The following ELP2 variants were observed in gnomAD, a reference collection of about 807,000 sequenced individuals.
ELP2 encodes elongator complex protein 2.
A neutral mutation model predicts 119.2 loss-of-function variants in ELP2; 90 were observed. The observed-to-expected ratio is 0.75, with a 90% CI of 0.64 to 0.90. The LOEUF is 0.90. Among genes scored for constraint, ELP2 ranks in the 40% least tolerant of loss-of-function variants. The pLI, the probability that ELP2 is intolerant of heterozygous loss-of-function variation, is 0.00. For missense variants in ELP2, 921 were observed against 967.8 expected (o/e 0.95, Z 0.64); for synonymous variants, 339 against 331.0 (o/e 1.02, Z -0.26).
chr18:36,151,406 C>G (rs963030148), intron 11 of ELP2, among the ~76,000 whole-genome samples: 2 of 152,138 alleles, frequency 1.3e-5, no homozygotes, highest in Non-Finnish European at 2.9e-5. Context: ...TTTACCATTT[C>G]TCCAAACTGG....
intron 11 of ELP2, among the ~76,000 whole-genome samples, chr18:36,147,081 GTTT>G (rs61330040): frequency 8.1e-6 from 1 of 123,428 alleles, no homozygotes. Context: ...AACATGGGTA[GTTT>G]TTTTTTTTTT....
chr18:36,167,928 T>C (rs2090956783), intron 19 of ELP2, among the ~76,000 whole-genome samples: 1 of 152,204 alleles, frequency 6.6e-6, no homozygotes, highest in Non-Finnish European at 1.5e-5. Flanking sequence ...CCTCCCACTT[T>C]GGCCTCCCAA....
chr18:36,170,875 G>A, intron 20 of ELP2, 172 bp from the exon 21 acceptor site: 1 of 651,236 alleles, frequency 1.5e-6, no homozygotes, highest in Admixed American at 2.3e-5. Flanking sequence ...CTGTAAAGAG[G>A]AGGCTCCTTG....
At chr18:36,147,175 G>A (rs1455639576) in intron 11 of ELP2, among the ~76,000 whole-genome samples, 1 of 149,032 alleles carries the variant, frequency 6.7e-6, no homozygotes, top group Non-Finnish European at 1.5e-5. Flanking sequence ...CTGGGGTTAA[G>A]CCATCCTCAC....
In ELP2 at chr18:36,169,360, A is replaced by G. The variant is rs184043527; in HGVS notation, c.2077-703A>G. ...AGATTCCCTGAGCAATGGACAGTGT[A>G]GAGGAAGAGCTAGAAAGCTGATAAG... On this transcript the variant is annotated intron_variant, in intron 19 of 21. Transcript: ENST00000358232. Among the ~76,000 whole-genome samples the G allele has an allele frequency of 3.3e-5, 5 of 150,672 alleles. No homozygotes were observed. In the East Asian group the frequency reaches 1.0e-3, roughly 30 times the overall value.
At chr18:36,142,466 TC>T in intron 7 of ELP2, 119 bp downstream of exon 7, 1 of 825,076 alleles carries the variant, frequency 1.2e-6, no homozygotes. Flanking sequence ...TTTTCTATTG[TC>T]CCAATTAGAA....
chr18:36,148,834 C>T (rs1011228614), intron 11 of ELP2, among the ~76,000 whole-genome samples: 5 of 152,138 alleles, frequency 3.3e-5, no homozygotes, highest in African/African-American at 1.2e-4. Context: ...CATGGTTACA[C>T]CACTGCATTC....
intron 11 of ELP2, among the ~76,000 whole-genome samples, chr18:36,153,026 G>A (rs2090451776): frequency 6.6e-6 from 1 of 152,154 alleles, no homozygotes; most frequent in Admixed American, 6.5e-5. Context: ...TGCTTTGTGG[G>A]TGACTTTGAG....
intron 17 of ELP2, 32 bp from the exon 18 acceptor site, chr18:36,164,443 A>G: frequency 6.3e-7 from 1 of 1,579,826 alleles, no homozygotes; most frequent in East Asian, 2.2e-5. Context: ...ATTTTTACTT[A>G]CTAGCTTCAT....
At position 36,178,544 on chromosome 18, in the gene ELP2, A is replaced by G. The variant is rs1002590097; in HGVS notation, c.*3903A>G. 7 of 152,274 alleles carry G rather than the reference A, an allele frequency of 4.6e-5. No homozygotes were observed. The highest frequency in any genetic ancestry group is 1.7e-4 in the African/African-American group (7 of 41,566). The allele number at this position is 152,274 out of a possible 1,614,324, so 9.4% of individuals were successfully genotyped here. On this transcript the variant is annotated 3_prime_UTR_variant, in exon 22 of 22. Coordinates refer to ENST00000358232, the MANE Select transcript of ELP2 (RefSeq NM_018255.4). ...AAAAATGTGCTTAAGGGACAAAGCAAATTTGAACTCTGGCTGGATATTTGA... is the reference window on the plus strand; with the variant it reads ...AAAAATGTGCTTAAGGGACAAAGCAGATTTGAACTCTGGCTGGATATTTGA...
intron 17 of ELP2, among the ~76,000 whole-genome samples, chr18:36,161,753 G>A (rs1000863179): frequency 3.3e-5 from 5 of 152,144 alleles, no homozygotes; most frequent in African/African-American, 1.2e-4. Flanking sequence ...TGCTTTTAAT[G>A]TGGATTTATG....
chr18:36,172,900 T>G (rs1218946979), intron 21 of ELP2, among the ~76,000 whole-genome samples: 1 of 152,234 alleles, frequency 6.6e-6, no homozygotes, highest in Non-Finnish European at 1.5e-5. Context: ...ACATATATTA[T>G]TTGGATTGCT....
Position 36,161,012 on chromosome 18 carries a change from A to T in ELP2, c.1761+8A>T. On this transcript the variant is annotated splice_region_variant and intron_variant, in intron 17 of 21. Transcript: ENST00000358232. ...CTTGCCTCAGCTTGTAAGGTAGGGA[A>T]GTTTACTTTTGATTCTGCTTGGTCA... 6.2e-7 allele frequency: 1 copy of T among 1,610,028 alleles called. No individual in the cohort carries two copies. The highest frequency in any genetic ancestry group is 1.1e-5 in the South Asian group (1 of 91,010).
intron 19 of ELP2, 88 bp downstream of exon 19, chr18:36,167,310 TTC>T: frequency 9.7e-7 from 1 of 1,029,004 alleles, no homozygotes; most frequent in African/African-American, 1.6e-5. Flanking sequence ...AATCCTGCCT[TTC>T]TGTTACAGCT....
chr18:36,169,025 G>T (rs1235028338), intron 19 of ELP2, among the ~76,000 whole-genome samples: 1 of 141,734 alleles, frequency 7.1e-6, no homozygotes, highest in Non-Finnish European at 1.5e-5. Context: ...CCCAGGTTCA[G>T]GCGATTCTCC....
intron 13 of ELP2, among the ~76,000 whole-genome samples, chr18:36,157,411 AAGAG>A (rs1347164605): frequency 6.6e-6 from 1 of 151,848 alleles, no homozygotes; most frequent in African/African-American, 2.4e-5. Context: ...GAGCAAAGGG[AAGAG>A]AGAGAGAGCA....
intron 5 of ELP2, chr18:36,139,428 A>C: frequency 6.5e-7 from 1 of 1,535,522 alleles, no homozygotes; most frequent in African/African-American, 1.4e-5. Context: ...GTTACCTGGA[A>C]GACTGGCCAG....
chr18:36,169,678 G>A (rs1243767259), intron 19 of ELP2, among the ~76,000 whole-genome samples: 4 of 152,062 alleles, frequency 2.6e-5, no homozygotes, highest in African/African-American at 7.2e-5. Flanking sequence ...ATGAGCCACC[G>A]CGCCCAGCCC....
At chr18:36,153,608 C>T (rs981711281) in intron 11 of ELP2, among the ~76,000 whole-genome samples, 1 of 152,110 alleles carries the variant, frequency 6.6e-6, no homozygotes, top group Non-Finnish European at 1.5e-5. Context: ...CTGCCCCTAC[C>T]CCAGCAGTCA....
Sources: allele counts gnomAD v4.1 joint callset (sites outside exome capture counted in the v4.1 genomes callset), GRCh38; gene constraint gnomAD v4.1.1; transcripts MANE v1.5; gene names NCBI Gene and HGNC (gene_info 2026-07-23, HGNC 2026-07-21).